The following SLC1A6 variants were observed in gnomAD, a reference collection of about 807,000 sequenced individuals.
SLC1A6 encodes solute carrier family 1 member 6.
Under a neutral mutation model 42.1 loss-of-function variants are expected in SLC1A6, and 15 were observed. That is an observed-to-expected ratio of 0.36 (90% CI 0.24 to 0.55). SLC1A6 has a LOEUF of 0.55. Ranked by LOEUF, SLC1A6 falls within the 20% of genes least tolerant of loss-of-function variation. The pLI is 0.88. For missense variants in SLC1A6, 542 were observed against 772.5 expected (o/e 0.70, Z 3.54); for synonymous variants, 317 against 319.7 (o/e 0.99, Z 0.09).
intron 1 of SLC1A6, among the ~76,000 whole-genome samples, chr19:14,996,685 A>T (rs1310475615): frequency 6.6e-6 from 1 of 152,024 alleles, no homozygotes; most frequent in East Asian, 1.9e-4. Context: ...CCAGGAGAGA[A>T]GAGAAACTTC....
At chr19:14,973,058 C>T in intron 1 of SLC1A6, 141 bp from the exon 2 acceptor site, 1 of 639,044 alleles carries the variant, frequency 1.6e-6, no homozygotes, top group Non-Finnish European at 2.7e-6. Flanking sequence ...TTGGCTCACG[C>T]CTGTAATCCC....
intron 1 of SLC1A6, among the ~76,000 whole-genome samples, chr19:14,988,957 T>C (rs1363611929): frequency 6.6e-6 from 1 of 152,138 alleles, no homozygotes; most frequent in Non-Finnish European, 1.5e-5. Flanking sequence ...AGCTCAAGGC[T>C]GCAGTGAGCC....
chr19:14,971,217 C>T (rs1451435697), intron 3 of SLC1A6, among the ~76,000 whole-genome samples: 1 of 152,122 alleles, frequency 6.6e-6, no homozygotes, highest in African/African-American at 2.4e-5. Context: ...AGGGTCAACC[C>T]TAGTTGCAAA....
At chr19:14,961,333 A>G (rs1192668377) in intron 6 of SLC1A6, 2 of 152,284 alleles carry the variant, frequency 1.3e-5, no homozygotes, top group Non-Finnish European at 2.9e-5. Context: ...GAAAATATAT[A>G]CAGTTTTTAT....
upstream of SLC1A6, among the ~76,000 whole-genome samples, chr19:14,983,024 A>C (rs1310435757): frequency 6.6e-6 from 1 of 152,230 alleles, no homozygotes; most frequent in Non-Finnish European, 1.5e-5. Flanking sequence ...ATTTTTATAC[A>C]GTTGATTTTC....
intron 1 of SLC1A6, among the ~76,000 whole-genome samples, chr19:14,989,758 GTGGGGT>G (rs386807131): frequency 0.17 from 25,858 of 150,314 alleles, 3,104 homozygotes; most frequent in African/African-American, 0.34. Flanking sequence ...GTGGCGGGGG[GTGGGGT>G]GTGGATCACC....
At chr19:14,950,761 C>G (rs1228389406) in intron 9 of SLC1A6, among the ~76,000 whole-genome samples, 2 of 152,008 alleles carry the variant, frequency 1.3e-5, no homozygotes, top group East Asian at 3.9e-4. Flanking sequence ...GGCAACATAG[C>G]AAGACCCCGT....
chr19:14,951,179 G>A (rs1230337056), intron 9 of SLC1A6, among the ~76,000 whole-genome samples: 1 of 145,286 alleles, frequency 6.9e-6, no homozygotes, highest in African/African-American at 2.5e-5. Flanking sequence ...TTGAACCTGG[G>A]AGGCAGAGGT....
At position 14,993,204 on chromosome 19, in the gene SLC1A6, C is replaced by T. The variant is rs2045829247; in HGVS notation, c.6+17281G>A. On this transcript the variant is annotated intron_variant, in intron 1 of 8. Transcript: ENST00000430939. Reference sequence around the variant, plus strand: ...TACCCCCTCCCAAATTCAGTCTGCACTTATATTTATATAAAATACCCAGCA... The same window carrying T: ...TACCCCCTCCCAAATTCAGTCTGCATTTATATTTATATAAAATACCCAGCA... Among the ~76,000 whole-genome samples the T allele has an allele frequency of 2.0e-5, 3 of 152,080 alleles. 1 individual carries two copies. The highest frequency in any genetic ancestry group is 2.0e-4 in the Admixed American group (3 of 15,264).
chr19:14,986,472 G>A (rs574953395), intron 1 of SLC1A6, among the ~76,000 whole-genome samples: 3 of 150,920 alleles, frequency 2.0e-5, no homozygotes, highest in African/African-American at 4.9e-5. Flanking sequence ...GCAGTGAGCC[G>A]AGATTGCACC....
At chr19:14,969,420 T>A (rs946788809) in intron 3 of SLC1A6, among the ~76,000 whole-genome samples, 1 of 152,154 alleles carries the variant, frequency 6.6e-6, no homozygotes, top group Non-Finnish European at 1.5e-5. Context: ...TGTGCAGGGA[T>A]TCACAATGGC....
chr19:15,003,152 C>A (rs2045880213), intron 1 of SLC1A6, among the ~76,000 whole-genome samples: 1 of 151,948 alleles, frequency 6.6e-6, no homozygotes, highest in South Asian at 2.1e-4. Flanking sequence ...CTAATTTTTG[C>A]ATTTTTGTAC....
At chr19:14,952,284 A>G (rs561006129) in intron 9 of SLC1A6, among the ~76,000 whole-genome samples, 2 of 151,682 alleles carry the variant, frequency 1.3e-5, no homozygotes, top group South Asian at 4.2e-4. Context: ...AAAAAAAAAA[A>G]AAATAACAAA....
At chr19:14,998,730 C>T (rs1237680345) in intron 1 of SLC1A6, among the ~76,000 whole-genome samples, 3 of 151,890 alleles carry the variant, frequency 2.0e-5, no homozygotes, top group Non-Finnish European at 4.4e-5. Context: ...TGAAATGGCT[C>T]TGCAAAGCTG....
chr19:15,002,019 G>A (rs1442869837), intron 1 of SLC1A6, among the ~76,000 whole-genome samples: 1 of 152,124 alleles, frequency 6.6e-6, no homozygotes, highest in Non-Finnish European at 1.5e-5. Flanking sequence ...CAAGTAAAAA[G>A]TGAGGAATGA....
rs956895801 is a variant in SLC1A6, at chr19:15,007,707, A to G, written c.6+2778T>C. Among the ~76,000 whole-genome samples, 3 of 152,100 alleles carry G rather than the reference A, an allele frequency of 2.0e-5. No individual in the cohort carries two copies. In the South Asian group the frequency reaches 6.2e-4, roughly 31 times the overall value. On this transcript the variant is annotated intron_variant, in intron 1 of 8. Coordinates refer to the SLC1A6 transcript ENST00000430939. The stretch of plus-strand genomic sequence containing the variant: ...CCTGTTCTAGAGGCTCTTAGAGTCA[A>G]TCATCAGAGAAATGCCAATTAAAAT...
Position 14,965,209 on chromosome 19 carries a change from C to G in SLC1A6, c.549-848G>C, listed in dbSNP as rs146066842. Among the ~76,000 whole-genome samples, 1,159 of 151,936 alleles carry G rather than the reference C, an allele frequency of 7.6e-3. 9 individuals carry two copies. The highest frequency in any genetic ancestry group is 0.012 in the Non-Finnish European group (809 of 67,938). ...TAATTTTTTGTATTTTTAGTAGAGA[C>G]AGGGTTTCACCATGTTAGGCAGGAT... On this transcript the variant is annotated intron_variant, in intron 4 of 9. Transcript: ENST00000594383.
chr19:14,987,111 C>T (rs1345902576), intron 1 of SLC1A6, among the ~76,000 whole-genome samples: 1 of 152,052 alleles, frequency 6.6e-6, no homozygotes, highest in African/African-American at 2.4e-5. Context: ...GCTGCCACAC[C>T]TGGGGATTTG....
chr19:14,984,506 T>A (rs968988730), upstream of SLC1A6, among the ~76,000 whole-genome samples: 10 of 152,272 alleles, frequency 6.6e-5, no homozygotes, highest in African/African-American at 2.4e-4. Flanking sequence ...AAGATTATTT[T>A]AATCAGCTTT....
Sources: allele counts gnomAD v4.1 joint callset (sites outside exome capture counted in the v4.1 genomes callset), GRCh38; gene constraint gnomAD v4.1.1; transcripts MANE v1.5; gene names NCBI Gene and HGNC (gene_info 2026-07-23, HGNC 2026-07-21).